The following RABGAP1 variants were observed in gnomAD, a reference collection of about 807,000 sequenced individuals.
RABGAP1 encodes RAB GTPase activating protein 1, also known as rab GTPase-activating protein 1.
Under a neutral mutation model 137.6 loss-of-function variants are expected in RABGAP1, and 23 were observed. The observed-to-expected ratio is 0.17, with a 90% CI of 0.12 to 0.24. RABGAP1 has a LOEUF of 0.24. Among genes scored for constraint, RABGAP1 ranks in the 10% least tolerant of loss-of-function variants. The pLI, the probability that RABGAP1 is intolerant of heterozygous loss-of-function variation, is 1.00. For missense variants in RABGAP1, 906 were observed against 1,275.8 expected (o/e 0.71, Z 4.42); for synonymous variants, 451 against 450.7 (o/e 1.00, Z -0.01).
chr9:123,078,330 G>A (rs2034586565), intron 19 of RABGAP1, among the ~76,000 whole-genome samples: 1 of 151,882 alleles, frequency 6.6e-6, no homozygotes, highest in Non-Finnish European at 1.5e-5. Flanking sequence ...TACTTCATAG[G>A]TATTACGGCT....
intron 2 of RABGAP1, among the ~76,000 whole-genome samples, chr9:122,957,668 G>T (rs1245096787): frequency 6.6e-6 from 1 of 150,496 alleles, no homozygotes; most frequent in Non-Finnish European, 1.5e-5. Flanking sequence ...CCCTATTATT[G>T]TTCTACTCTT....
At chr9:123,044,086 G>T (rs940679213) in intron 13 of RABGAP1, among the ~76,000 whole-genome samples, 4 of 151,664 alleles carry the variant, frequency 2.6e-5, no homozygotes, top group Non-Finnish European at 5.9e-5. Context: ...TGTATTTTTA[G>T]TAGAGACGGG....
At chr9:123,062,714 T>C (rs576898254) in intron 13 of RABGAP1, 2 of 152,318 alleles carry the variant, frequency 1.3e-5, no homozygotes, top group South Asian at 4.1e-4. Flanking sequence ...CTGGCCCAGT[T>C]ATAGAGAGTA....
At chr9:123,055,817 C>G (rs961413992) in intron 13 of RABGAP1, among the ~76,000 whole-genome samples, 1 of 152,194 alleles carries the variant, frequency 6.6e-6, no homozygotes, top group Non-Finnish European at 1.5e-5. Flanking sequence ...TCCCAGAGTG[C>G]TGGGAGTACA....
chr9:122,997,106 AT>A (rs1003664038), intron 8 of RABGAP1, 152 bp from the exon 9 acceptor site: 87 of 616,660 alleles, frequency 1.4e-4, no homozygotes, highest in Admixed American at 1.5e-4. Context: ...TAATTGTCAC[AT>A]TTTTTACCAT....
At chr9:123,023,011 C>T (rs925509291) in intron 13 of RABGAP1, among the ~76,000 whole-genome samples, 3 of 152,070 alleles carry the variant, frequency 2.0e-5, no homozygotes, top group African/African-American at 7.2e-5. Flanking sequence ...GTGCATAGCT[C>T]CATGACATTT....
rs181574725 is a variant in RABGAP1 at position 123,057,537 on chromosome 9, C to T, written c.1795-7811C>T. On this transcript the variant is annotated intron_variant, in intron 13 of 25. Coordinates refer to ENST00000373647, the MANE Select transcript of RABGAP1 (RefSeq NM_012197.4). ...GCTCCTCACTTCCTAGGTGGGATGG[C>T]GGCCGGGCAGAGACGCTCCTCACTT... Among the ~76,000 whole-genome samples the T allele has an allele frequency of 4.1e-3, 618 of 151,338 alleles. 3 individuals carry two copies. Among genetic ancestry groups the T allele is most frequent in the African/African-American group, 0.014 (588 of 41,188 alleles).
chr9:122,969,112 C>T (rs1835332338), intron 2 of RABGAP1, among the ~76,000 whole-genome samples: 1 of 152,156 alleles, frequency 6.6e-6, no homozygotes, highest in Non-Finnish European at 1.5e-5. Flanking sequence ...GATTATAATA[C>T]CATATTTTTA....
intron 13 of RABGAP1, among the ~76,000 whole-genome samples, chr9:123,051,251 T>TGG (rs2033455510): frequency 1.3e-5 from 1 of 76,278 alleles, no homozygotes; most frequent in African/African-American, 5.6e-5. Context: ...TTTTTTTTTT[T>TGG]TTTTTTTTTT....
chr9:123,001,997 A>G (rs1245454481), intron 10 of RABGAP1, among the ~76,000 whole-genome samples: 5 of 152,188 alleles, frequency 3.3e-5, no homozygotes, highest in Admixed American at 3.3e-4. Flanking sequence ...TCACTTTGAA[A>G]GTTTAGAGAT....
intron 11 of RABGAP1, among the ~76,000 whole-genome samples, chr9:123,012,997 G>A (rs1000421194): frequency 6.6e-6 from 1 of 152,126 alleles, no homozygotes; most frequent in African/African-American, 2.4e-5. Flanking sequence ...TTATAAAGGG[G>A]ACATGTTTAG....
chr9:123,090,241 A>T (rs372318399), intron 20 of RABGAP1, 34 bp from the exon 21 acceptor site: 184 of 1,499,978 alleles, frequency 1.2e-4, no homozygotes, highest in Admixed American at 3.4e-4. Context: ...TCTGATTTTT[A>T]TGTGTCTGTA....
intron 12 of RABGAP1, among the ~76,000 whole-genome samples, chr9:123,017,125 G>A (rs771222430): frequency 2.6e-5 from 4 of 152,184 alleles, no homozygotes; most frequent in Non-Finnish European, 5.9e-5. Flanking sequence ...AGTTCATTGA[G>A]TTTGGAGTGT....
rs1181321222 is a variant in RABGAP1 at position 123,104,836 on chromosome 9, C to T, written c.*1623C>T. On this transcript the variant is annotated 3_prime_UTR_variant, in exon 26 of 26. Coordinates refer to ENST00000373647, the MANE Select transcript of RABGAP1 (RefSeq NM_012197.4). Reference sequence around the variant, plus strand: ...TCTTTTGTTGGTTTTATTTTAACAGCATATTGATTAAATATTTTGGTACAA... The same window carrying T: ...TCTTTTGTTGGTTTTATTTTAACAGTATATTGATTAAATATTTTGGTACAA... The T allele has an allele frequency of 6.6e-6, 1 of 152,178 alleles. No homozygotes were observed. Among genetic ancestry groups the T allele is most frequent in the Non-Finnish European group, 1.5e-5 (1 of 68,038 alleles). 9.4% of individuals were successfully genotyped at this position (152,178 alleles called of 1,614,324 possible). A position where few individuals can be genotyped will look rare whatever the true frequency, so the allele number is the denominator to read the frequency against.
At chr9:122,986,896 G>C (rs981322189) in intron 4 of RABGAP1, among the ~76,000 whole-genome samples, 5 of 152,172 alleles carry the variant, frequency 3.3e-5, no homozygotes, top group Non-Finnish European at 5.9e-5. Context: ...GGGAGGCTGA[G>C]ACGGGTTGAT....
chr9:122,997,798 A>G (rs1360823966), intron 9 of RABGAP1, among the ~76,000 whole-genome samples: 1 of 152,200 alleles, frequency 6.6e-6, no homozygotes, highest in Admixed American at 6.5e-5. Context: ...TATCTGGAAG[A>G]TATTTCATAT....
intron 13 of RABGAP1, among the ~76,000 whole-genome samples, chr9:123,041,707 G>C (rs1182822145): frequency 1.3e-5 from 2 of 152,294 alleles, no homozygotes; most frequent in Non-Finnish European, 2.9e-5. Context: ...TGACTCAGCG[G>C]AATCAACAGA....
At chr9:122,935,739 G>A in the RABGAP1 span, among the ~76,000 whole-genome samples, 1 of 152,194 alleles carries the variant, frequency 6.6e-6, no homozygotes, top group African/African-American at 2.4e-5. Context: ...AGTTGCCAGT[G>A]TATTTGACTT....
chr9:122,999,896 T>C (rs907917887), intron 10 of RABGAP1, among the ~76,000 whole-genome samples: 1 of 152,014 alleles, frequency 6.6e-6, no homozygotes, highest in African/African-American at 2.4e-5. Flanking sequence ...TGGGATACTT[T>C]CTATTAATAT....
Sources: allele counts gnomAD v4.1 joint callset (sites outside exome capture counted in the v4.1 genomes callset), GRCh38; gene constraint gnomAD v4.1.1; transcripts MANE v1.5; gene names NCBI Gene and HGNC (gene_info 2026-07-23, HGNC 2026-07-21).